REV3L: variants seen among roughly 807,000 people sequenced by gnomAD.
REV3L encodes DNA polymerase zeta catalytic subunit.
REV3L carries 69 observed loss-of-function variants against 299.4 expected under a neutral mutation model. That is an observed-to-expected ratio of 0.23 (90% CI 0.19 to 0.28). REV3L has a LOEUF of 0.28. REV3L is among the 10% of genes least tolerant of loss of function. The pLI is 1.00. For synonymous variants in REV3L, 1,238 were observed against 1,271.4 expected (o/e 0.97, Z 0.56); for missense variants, 3,128 against 3,693.8 (o/e 0.85, Z 3.97).
intron 21 of REV3L, among the ~76,000 whole-genome samples, chr6:111,341,924 G>A (rs1462893697): frequency 6.6e-6 from 1 of 152,176 alleles, no homozygotes; most frequent in African/African-American, 2.4e-5. Flanking sequence ...ACCAATGCCA[G>A]AGTGGAGAGA....
At chr6:111,423,050 T>C (rs887962097) in intron 1 of REV3L, among the ~76,000 whole-genome samples, 1 of 152,182 alleles carries the variant, frequency 6.6e-6, no homozygotes, top group Non-Finnish European at 1.5e-5. Context: ...AGGGTATAGT[T>C]GGTTCCTTTA....
rs1491341805 is a variant in REV3L at position 111,422,661 on chromosome 6, T to TATAC, written c.140-6190_140-6189insGTAT. 3.4e-4 allele frequency among the ~76,000 whole-genome samples: 18 copies of TATAC among 52,390 alleles called. 4 individuals are homozygous for TATAC. The highest frequency in any genetic ancestry group is 2.7e-3 in the South Asian group (4 of 1,476). The allele number at this position is 52,390 out of a possible 152,430, so 34.4% of individuals were successfully genotyped here. A position where few individuals can be genotyped will look rare whatever the true frequency, so the allele number is the denominator to read the frequency against. On this transcript the variant is annotated intron_variant, in intron 1 of 31. Transcript: ENST00000368802. ...ATATATATATATACATATATATATA[T>TATAC]ACATATATATATATATACGTATATA...
intron 1 of REV3L, among the ~76,000 whole-genome samples, chr6:111,440,142 C>G (rs1788084424): frequency 6.6e-6 from 1 of 152,154 alleles, no homozygotes; most frequent in Non-Finnish European, 1.5e-5. Flanking sequence ...TCTTGGCTCA[C>G]TGCAACCACC....
chr6:111,411,791 G>A (rs1395158761), intron 2 of REV3L, among the ~76,000 whole-genome samples: 2 of 152,122 alleles, frequency 1.3e-5, no homozygotes, highest in Middle Eastern at 3.4e-3. Context: ...AATTACTGAC[G>A]ATGGGAATTA....
chr6:111,439,241 A>T (rs1028771704), intron 1 of REV3L, among the ~76,000 whole-genome samples: 2 of 152,218 alleles, frequency 1.3e-5, no homozygotes, highest in African/African-American at 4.8e-5. Context: ...AGCAAATTTG[A>T]GCGATTTTCT....
intron 1 of REV3L, among the ~76,000 whole-genome samples, chr6:111,445,381 T>C (rs2128311589): frequency 6.6e-6 from 1 of 152,222 alleles, no homozygotes; most frequent in African/African-American, 2.4e-5. Flanking sequence ...ATCCAAAATA[T>C]AAGTTGCAAT....
chr6:111,329,616 C>A lies in REV3L; in HGVS notation c.8157G>T (p.Ala2719=). 1 of 1,614,132 alleles carries A rather than the reference C, an allele frequency of 6.2e-7. No individual in the cohort carries two copies. The highest frequency in any genetic ancestry group is 8.5e-7 in the Non-Finnish European group (1 of 1,180,032). ...QDRALSRMLD[A]RQLGLKLIAN... ...CTATCAGCTTAAGTCCCAACTGACG[C>A]GCATCAAGCATTCGTGACAGGGCTC... Residue 2719 remains alanine, a synonymous_variant, in exon 25 of 32, where the codon GCG becomes GCT. Coordinates refer to ENST00000368802, the MANE Select transcript of REV3L (RefSeq NM_001372078.1).
chr6:111,335,662 GA>G (rs1197559303), intron 21 of REV3L, 52 bp from the exon 22 acceptor site: 3 of 1,543,640 alleles, frequency 1.9e-6, no homozygotes, highest in Non-Finnish European at 2.6e-6. Flanking sequence ...TTGGACACTT[GA>G]AAACAGTACT....
In REV3L at chr6:111,357,111, T is replaced by C; in HGVS notation, c.7087A>G (p.Thr2363Ala). ...TVFSQDIRYQ[T>A]PLLIRSGITG... The stretch of plus-strand genomic sequence containing the variant: ...ATTCCAGATCTAATAAGTAATGGAG[T>C]CTGATATCTGATATCTAAAAAACAA... Residue 2363 changes from threonine to alanine, a missense_variant, in exon 18 of 32, where the codon ACT becomes GCT. This residue lies in a region of REV3L where 82 missense variants were observed against 142.7 expected (regional missense o/e 0.57). Transcript: ENST00000368802. The C allele has an allele frequency of 6.6e-7, 1 of 1,506,844 alleles. No homozygotes were observed. The highest frequency in any genetic ancestry group is 9.0e-7 in the Non-Finnish European group (1 of 1,109,776). 93.3% of individuals were successfully genotyped at this position (1,506,844 alleles called of 1,614,324 possible).
chr6:111,302,367 G>A (rs1771661705), intron 31 of REV3L, among the ~76,000 whole-genome samples: 1 of 152,106 alleles, frequency 6.6e-6, no homozygotes, highest in African/African-American at 2.4e-5. Flanking sequence ...AGCTCTTTCT[G>A]TGCTTGTCTG....
rs1361500775 is a variant in REV3L, at chr6:111,421,760, AC to A, written c.140-5289del. ...TCAATCTAAACAAGGTTTTAAACAA[AC>A]CTCGACAGAGCTATAAAACAGAAAA... On this transcript the variant is annotated intron_variant, in intron 1 of 31. Coordinates refer to ENST00000368802, the MANE Select transcript of REV3L (RefSeq NM_001372078.1). Among the ~76,000 whole-genome samples the A allele has an allele frequency of 3.3e-5, 5 of 152,234 alleles. No homozygotes were observed. The East Asian group carries it at 9.6e-4, about 29-fold the overall frequency.
At position 111,470,753 on chromosome 6, in the gene REV3L, G is replaced by A. The variant is rs373513550; in HGVS notation, c.139+11997C>T. On this transcript the variant is annotated intron_variant, in intron 1 of 31. Coordinates refer to ENST00000368802, the MANE Select transcript of REV3L (RefSeq NM_001372078.1). ...CCGGCACTTTGGGAGGCCAAGGTGA[G>A]CAGATCACCTGAGGTCAGGAGTTCG... Among the ~76,000 whole-genome samples the A allele has an allele frequency of 1.6e-4, 25 of 152,304 alleles. No homozygotes were observed. The East Asian group carries it at 4.4e-3, about 27-fold the overall frequency.
At position 111,373,567 on chromosome 6, in the gene REV3L, G is replaced by A. The variant is rs2115069001; in HGVS notation, c.4788C>T (p.Pro1596=). The A allele has an allele frequency of 6.2e-7, 1 of 1,613,930 alleles. No individual in the cohort carries two copies. The highest frequency in any genetic ancestry group is 8.5e-7 in the Non-Finnish European group (1 of 1,179,946). ...PRSTKQKEKI[P]KLLKVDSLNL... ...TTAAAGAGTCTACTTTGAGAAGTTT[G>A]GGGATTTTTTCTTTTTGTTTTGTAC... Residue 1596 remains proline, a synonymous_variant, in exon 13 of 32, where the codon CCC becomes CCT. Transcript: ENST00000368802.
rs113256075 is a variant in REV3L at position 111,331,934 on chromosome 6, T to A, written c.7926-150A>T. ...GTACTTAGTAATATGTTTATTTGCC[T>A]CATTACCAAAATAGTTTTTCAAATA... On this transcript the variant is annotated intron_variant, in intron 23 of 31. Coordinates refer to ENST00000368802, the MANE Select transcript of REV3L (RefSeq NM_001372078.1). 19 of 574,932 alleles carry A rather than the reference T, an allele frequency of 3.3e-5. No homozygotes were observed. The Admixed American group carries it at 5.5e-4, about 17-fold the overall frequency. The allele number at this position is 574,932 out of a possible 1,614,324, so 35.6% of individuals were successfully genotyped here.
At chr6:111,401,665 T>C (rs1233119524) in intron 4 of REV3L, among the ~76,000 whole-genome samples, 1 of 152,222 alleles carries the variant, frequency 6.6e-6, no homozygotes, top group Admixed American at 6.5e-5. Context: ...TAACAAGTTG[T>C]CACCACAAAA....
intron 4 of REV3L, among the ~76,000 whole-genome samples, chr6:111,394,568 ACT>A (rs572015135): frequency 7.2e-5 from 11 of 151,770 alleles, no homozygotes; most frequent in Non-Finnish European, 1.6e-4. Flanking sequence ...CTGTCTCTTT[ACT>A]CTGTTGATTG....
intron 21 of REV3L, 133 bp downstream of exon 21, chr6:111,343,792 T>C (rs1776765983): frequency 1.9e-6 from 1 of 529,556 alleles, no homozygotes; most frequent in Non-Finnish European, 3.1e-6. Context: ...GGCCTCCCAA[T>C]GTGCTAGGAT....
intron 25 of REV3L, among the ~76,000 whole-genome samples, chr6:111,326,597 G>A (rs1774840525): frequency 1.5e-5 from 2 of 134,190 alleles, no homozygotes; most frequent in South Asian, 2.6e-4. Flanking sequence ...TCCCACTGCT[G>A]GGTATATACC....
At chr6:111,402,998 T>A (rs187568346) in intron 4 of REV3L, among the ~76,000 whole-genome samples, 4 of 152,240 alleles carry the variant, frequency 2.6e-5, no homozygotes, top group Admixed American at 2.6e-4. Flanking sequence ...AGCCAAAATA[T>A]CCATTAACTG....
Sources: gnomAD v4.1 joint callset for allele counts (sites outside exome capture counted in the v4.1 genomes callset) on GRCh38, gnomAD v4.1.1 for gene constraint, gnomAD v4.1.1 regional missense constraint, MANE v1.5 for transcripts, NCBI Gene and HGNC (gene_info 2026-07-23, HGNC 2026-07-21) for gene names.